ENTREP2: variants seen among roughly 807,000 people sequenced by gnomAD.
The protein encoded by ENTREP2 is protein ENTREP2.
chr15:29,239,684 AG>A, the ENTREP2 span, among the ~76,000 whole-genome samples: 1 of 152,206 alleles, frequency 6.6e-6, no homozygotes, highest in African/African-American at 2.4e-5. Flanking sequence ...AAAAGGACTT[AG>A]GGTCAGAAAA....
At chr15:29,600,902 C>CCTTTTTTTTTTT in the ENTREP2 span, among the ~76,000 whole-genome samples, 12 of 123,616 alleles carry the variant, frequency 9.7e-5, no homozygotes, top group African/African-American at 4.3e-4. Flanking sequence ...ATTTTTCTTT[C>CCTTTTTTTTTTT]TTTTTTTTTT....
At chr15:29,262,837 C>A in the ENTREP2 span, among the ~76,000 whole-genome samples, 1 of 152,122 alleles carries the variant, frequency 6.6e-6, no homozygotes, top group African/African-American at 2.4e-5. Context: ...GGGACTAAGC[C>A]CTCATCCTGT....
chr15:29,214,889 T>TGTTG, the ENTREP2 span, among the ~76,000 whole-genome samples: 1 of 152,234 alleles, frequency 6.6e-6, no homozygotes, highest in South Asian at 2.1e-4. Context: ...TTCCACTTGC[T>TGTTG]GTTGAATAGA....
the ENTREP2 span, among the ~76,000 whole-genome samples, chr15:29,129,683 G>A: frequency 1.3e-5 from 2 of 152,036 alleles, no homozygotes; most frequent in South Asian, 2.1e-4. Flanking sequence ...CTCTGATTCC[G>A]CCTGGAGAGG....
chr15:29,196,516 G>C, the ENTREP2 span: 1 of 1,551,630 alleles, frequency 6.4e-7, no homozygotes, highest in Admixed American at 2.0e-5. Flanking sequence ...CCGGACGACT[G>C]GTGCTGCAGC....
the ENTREP2 span, among the ~76,000 whole-genome samples, chr15:29,346,129 C>G: frequency 1.3e-5 from 2 of 152,148 alleles, no homozygotes; most frequent in Non-Finnish European, 2.9e-5. Context: ...CGCTGCACAA[C>G]GACGCCAAGA....
the ENTREP2 span, among the ~76,000 whole-genome samples, chr15:29,236,907 G>A: frequency 6.6e-6 from 1 of 151,390 alleles, no homozygotes; most frequent in Non-Finnish European, 1.5e-5. Flanking sequence ...AAGGAAAGAA[G>A]GGAGGAAAAA....
At chr15:29,171,237 T>A in the ENTREP2 span, among the ~76,000 whole-genome samples, 1 of 152,242 alleles carries the variant, frequency 6.6e-6, no homozygotes, top group Non-Finnish European at 1.5e-5. Context: ...CAGCACAGCC[T>A]GAACTGATTA....
chr15:29,384,366 C>T, the ENTREP2 span, among the ~76,000 whole-genome samples: 1 of 152,182 alleles, frequency 6.6e-6, no homozygotes, highest in Non-Finnish European at 1.5e-5. Flanking sequence ...TCAGCACCCT[C>T]CATTTCCCGG....
chr15:29,129,155 C>T, the ENTREP2 span, among the ~76,000 whole-genome samples: 2 of 152,182 alleles, frequency 1.3e-5, no homozygotes, highest in African/African-American at 2.4e-5. Flanking sequence ...CATCCGCTGC[C>T]CGGATTCAAG....
the ENTREP2 span, among the ~76,000 whole-genome samples, chr15:29,655,960 G>T: frequency 0.016 from 2,469 of 150,488 alleles, 67 homozygotes; most frequent in African/African-American, 0.058. Context: ...GGGAAGCGGA[G>T]GTTGCAGTGA....
At chr15:29,212,704 C>T in the ENTREP2 span, among the ~76,000 whole-genome samples, 5,332 of 152,198 alleles carry the variant, frequency 0.035, 98 homozygotes, top group Non-Finnish European at 0.04. Flanking sequence ...TCTTTCAGTT[C>T]GAAGAATTTT....
chr15:29,669,394 C>T, the ENTREP2 span, among the ~76,000 whole-genome samples: 5 of 152,248 alleles, frequency 3.3e-5, no homozygotes, highest in South Asian at 2.1e-4. Flanking sequence ...TCAGCCCCCT[C>T]GCCATGTGAT....
chr15:29,551,077 A>C, the ENTREP2 span, among the ~76,000 whole-genome samples: 6 of 152,166 alleles, frequency 3.9e-5, no homozygotes, highest in African/African-American at 1.4e-4. Context: ...AGTAAATATC[A>C]ATAGCTGTCA....
the ENTREP2 span, among the ~76,000 whole-genome samples, chr15:29,591,950 A>C: frequency 1.3e-5 from 2 of 152,172 alleles, no homozygotes; most frequent in East Asian, 3.9e-4. Context: ...AAGCCAAGCA[A>C]TGCCAAGGAT....
chr15:29,571,238 G>GGGCGGCAGCGCATCAAGGGCAAC, the ENTREP2 span, among the ~76,000 whole-genome samples: 3 of 152,128 alleles, frequency 2.0e-5, no homozygotes, highest in African/African-American at 7.2e-5. Context: ...AGGAGAGCGG[G>GGGCGGCAGCGCATCAAGGGCAAC]GGCGGCAGCG....
chr15:29,350,320 ATC>A, the ENTREP2 span, among the ~76,000 whole-genome samples: 1 of 149,796 alleles, frequency 6.7e-6, no homozygotes, highest in Non-Finnish European at 1.5e-5. Flanking sequence ...CATGTCTGAA[ATC>A]TCTTGTTTAT....
chr15:29,480,282 T>C, the ENTREP2 span, among the ~76,000 whole-genome samples: 4 of 119,348 alleles, frequency 3.4e-5, no homozygotes, highest in Non-Finnish European at 6.5e-5. Context: ...GGGCTCATCC[T>C]ACGAAAATAA....
the ENTREP2 span, among the ~76,000 whole-genome samples, chr15:29,458,981 T>TC: frequency 6.6e-6 from 1 of 152,110 alleles, no homozygotes; most frequent in Non-Finnish European, 1.5e-5. Context: ...TCCCACATGT[T>TC]CCCAGGCGCA....
Sources: allele counts gnomAD v4.1 joint callset (sites outside exome capture counted in the v4.1 genomes callset), GRCh38; gene constraint gnomAD v4.1.1; transcripts MANE v1.5; gene names NCBI Gene and HGNC (gene_info 2026-07-23, HGNC 2026-07-21).